Variants in LSAMP observed in about 807,000 individuals in gnomAD.
LSAMP encodes the protein limbic system associated membrane protein, also known as limbic system-associated membrane protein.
In LSAMP, 7 loss-of-function variants were observed where a neutral mutation model predicts 38.6. That is an observed-to-expected ratio of 0.18 (90% confidence interval 0.10 to 0.34). The LOEUF (loss-of-function observed/expected upper bound fraction) is 0.34. Among genes scored for constraint, LSAMP ranks in the 10% least tolerant of loss-of-function variants. The pLI, the probability that LSAMP is intolerant of heterozygous loss-of-function variation, is 1.00. For synonymous variants in LSAMP, 154 were observed against 166.8 expected (o/e 0.92, Z 0.59); for missense variants, 313 against 420.0 (o/e 0.75, Z 2.23).
intron 6 of LSAMP, among the ~76,000 whole-genome samples, chr3:115,822,004 C>T (rs1316768614): frequency 6.6e-6 from 1 of 152,158 alleles, no homozygotes; most frequent in African/African-American, 2.4e-5. Flanking sequence ...ATTTTCAAGC[C>T]ACACTTTGAA....
chr3:116,250,711 A>AT (rs1347155270), intron 1 of LSAMP, among the ~76,000 whole-genome samples: 2 of 150,898 alleles, frequency 1.3e-5, no homozygotes, highest in African/African-American at 2.4e-5. Context: ...AAAAAAAAAA[A>AT]ATACAAATAT....
chr3:116,015,844 C>T (rs979859799), intron 3 of LSAMP, among the ~76,000 whole-genome samples: 1 of 152,098 alleles, frequency 6.6e-6, no homozygotes, highest in Non-Finnish European at 1.5e-5. Context: ...TTCTTTCCCT[C>T]ATGTCATCAA....
chr3:115,943,025 TAAG>T (rs1371132217), intron 3 of LSAMP, among the ~76,000 whole-genome samples: 1 of 152,162 alleles, frequency 6.6e-6, no homozygotes, highest in African/African-American at 2.4e-5. Flanking sequence ...CAACATACGT[TAAG>T]AAGAACTCAG....
At chr3:116,090,280 G>A (rs1051388621) in intron 1 of LSAMP, among the ~76,000 whole-genome samples, 7 of 151,710 alleles carry the variant, frequency 4.6e-5, no homozygotes, top group African/African-American at 1.7e-4. Context: ...TCAATTTGTA[G>A]AGGTCTACGT....
chr3:116,244,032 C>T lies in LSAMP; in HGVS notation c.156-157476G>A, dbSNP rs995178409. 7.2e-5 allele frequency among the ~76,000 whole-genome samples: 11 copies of T among 152,142 alleles called. No individual in the cohort carries two copies. The East Asian group carries it at 1.4e-3, about 19-fold the overall frequency. On this transcript the variant is annotated intron_variant, in intron 1 of 6. Transcript: ENST00000490035. ...TATAGTAGGTTTCCTAAACTTTTACCGCTGTGCTTTAAAGTCCACATCCCA... is the reference window on the plus strand; with the variant it reads ...TATAGTAGGTTTCCTAAACTTTTACTGCTGTGCTTTAAAGTCCACATCCCA...
At chr3:115,890,473 T>C (rs376983638) in intron 3 of LSAMP, among the ~76,000 whole-genome samples, 2 of 152,076 alleles carry the variant, frequency 1.3e-5, no homozygotes, top group African/African-American at 4.8e-5. Flanking sequence ...ACATTACTAG[T>C]TTGGAATGAT....
intron 1 of LSAMP, among the ~76,000 whole-genome samples, chr3:116,257,844 A>AT (rs1303344746): frequency 6.6e-6 from 1 of 151,966 alleles, no homozygotes; most frequent in Non-Finnish European, 1.5e-5. Context: ...TCTTTGTGTC[A>AT]TTTTTCCTTG....
chr3:116,417,963 A>C (rs1056761116), intron 1 of LSAMP, among the ~76,000 whole-genome samples: 1 of 152,210 alleles, frequency 6.6e-6, no homozygotes, highest in African/African-American at 2.4e-5. Flanking sequence ...GAGAGATAGA[A>C]GTTTGAGACT....
chr3:115,950,417 C>T (rs781348785), intron 3 of LSAMP, among the ~76,000 whole-genome samples: 26 of 152,018 alleles, frequency 1.7e-4, no homozygotes, highest in East Asian at 5.8e-4. Context: ...GTATACAAAT[C>T]GGTACCACTG....
rs202227848 is a variant in LSAMP at position 116,378,270 on chromosome 3, A to AT, written c.155+66606dup. Among the ~76,000 whole-genome samples, 1,283 of 151,978 alleles carry AT rather than the reference A, an allele frequency of 8.4e-3. 9 individuals carry two copies. Among genetic ancestry groups the AT allele is most frequent in the Non-Finnish European group, 0.011 (774 of 67,930 alleles). ...GATTGTTCCTGGAAGCTGTTGTGGT[A>AT]TTTTTTTCAAGGGATCATCTCAGTC... On this transcript the variant is annotated intron_variant, in intron 1 of 6. Transcript: ENST00000490035.
chr3:116,130,777 TA>T (rs967331519), intron 1 of LSAMP, among the ~76,000 whole-genome samples: 19 of 152,096 alleles, frequency 1.2e-4, no homozygotes, highest in African/African-American at 4.6e-4. Context: ...TTGAAAAAAT[TA>T]CCTACCCAGA....
Position 115,951,870 on chromosome 3 carries a change from T to G in LSAMP, c.514+67645A>C, listed in dbSNP as rs528306071. Among the ~76,000 whole-genome samples, 17 of 152,066 alleles carry G rather than the reference T, an allele frequency of 1.1e-4. No individual in the cohort carries two copies. In the South Asian group the frequency reaches 3.1e-3, roughly 28 times the overall value. The stretch of plus-strand genomic sequence containing the variant: ...CATATATATATATATATCCTATTAG[T>G]TGTGTCCTTCTAGAGAACCCTAATA... On this transcript the variant is annotated intron_variant, in intron 3 of 6. Transcript: ENST00000490035.
intron 1 of LSAMP, among the ~76,000 whole-genome samples, chr3:116,248,716 C>T (rs2046636019): frequency 6.6e-6 from 1 of 152,034 alleles, no homozygotes; most frequent in South Asian, 2.1e-4. Context: ...TTTCCTTCCC[C>T]CGACTCACTG....
chr3:116,297,723 A>AAGTC (rs1340409450), intron 1 of LSAMP, among the ~76,000 whole-genome samples: 2 of 152,188 alleles, frequency 1.3e-5, no homozygotes, highest in Non-Finnish European at 2.9e-5. Flanking sequence ...AAATTGATAA[A>AAGTC]AGTCAACTAA....
chr3:116,010,076 C>T (rs546632213), intron 3 of LSAMP, among the ~76,000 whole-genome samples: 7 of 152,176 alleles, frequency 4.6e-5, no homozygotes, highest in East Asian at 1.9e-4. Flanking sequence ...GCCACCACAC[C>T]GAGCTAATTT....
At chr3:116,200,093 T>TACAC (rs36216707) in intron 1 of LSAMP, among the ~76,000 whole-genome samples, 1,538 of 149,348 alleles carry the variant, frequency 0.01, 24 homozygotes, top group African/African-American at 0.033. Flanking sequence ...AGTCTTACTT[T>TACAC]ACACACACAC....
chr3:116,061,086 C>G (rs1941586583), intron 2 of LSAMP, among the ~76,000 whole-genome samples: 1 of 152,062 alleles, frequency 6.6e-6, no homozygotes. Context: ...GCTGGGACAT[C>G]TAACATACTT....
chr3:116,274,940 C>CGAG (rs759406057), intron 1 of LSAMP, among the ~76,000 whole-genome samples: 21 of 109,968 alleles, frequency 1.9e-4, no homozygotes, highest in Non-Finnish European at 3.1e-4. Flanking sequence ...GGAATAACAT[C>CGAG]GAGTAAAAAT....
At chr3:116,001,944 C>A (rs1228535328) in intron 3 of LSAMP, among the ~76,000 whole-genome samples, 1 of 152,120 alleles carries the variant, frequency 6.6e-6, no homozygotes, top group Non-Finnish European at 1.5e-5. Context: ...ATATAGACAT[C>A]TTTGGGGGGT....
Sources: gnomAD v4.1 joint callset for allele counts (sites outside exome capture counted in the v4.1 genomes callset) on GRCh38, gnomAD v4.1.1 for gene constraint, MANE v1.5 for transcripts, NCBI Gene and HGNC (gene_info 2026-07-23, HGNC 2026-07-21) for gene names.